The following ENTPD6 variants were observed in gnomAD, a reference collection of about 807,000 sequenced individuals.
The protein encoded by ENTPD6 is ectonucleoside triphosphate diphosphohydrolase 6.
A neutral mutation model predicts 61.5 loss-of-function variants in ENTPD6; 46 were observed. That is an observed-to-expected ratio of 0.75 (90% CI 0.59 to 0.96). ENTPD6 has a LOEUF of 0.96. Among genes scored for constraint, ENTPD6 ranks in the 40% least tolerant of loss-of-function variants. The probability of loss-of-function intolerance (pLI) is 0.00; values close to 1 mark genes in which losing one functional copy is unlikely to be tolerated. For missense variants in ENTPD6, 612 were observed against 629.0 expected (o/e 0.97, Z 0.29); for synonymous variants, 252 against 255.5 (o/e 0.99, Z 0.13).
At chr20:25,220,555 G>T (rs532659163) in intron 10 of ENTPD6, among the ~76,000 whole-genome samples, 1 of 152,354 alleles carries the variant, frequency 6.6e-6, no homozygotes. Flanking sequence ...CTGGGCGGCT[G>T]TCTAGACCTG....
chr20:25,196,114 G>A (rs1177157044), intron 1 of ENTPD6: 2 of 1,171,300 alleles, frequency 1.7e-6, no homozygotes, highest in East Asian at 3.2e-5. Flanking sequence ...GGGGCCTGTA[G>A]CCCCAGGGGG....
In ENTPD6 at chr20:25,195,815, TC is replaced by T; in HGVS notation, c.-64del. 1 of 1,239,568 alleles carries T rather than the reference TC, an allele frequency of 8.1e-7. No homozygotes were observed. The allele number at this position is 1,239,568 out of a possible 1,614,324, so 76.8% of individuals were successfully genotyped here. ...GCCCAAAAGACCGGCTGCCGCCTGC[TC>T]CCCGGAAAAGGGCACTCGTCTCCGT... On this transcript the variant is annotated 5_prime_UTR_variant, in exon 1 of 15. Coordinates refer to ENST00000376652, the MANE Select transcript of ENTPD6 (RefSeq NM_001247.5).
rs888796343 is a variant in ENTPD6 at position 25,216,541 on chromosome 20, T to G, written c.710-107T>G. 40 of 746,580 alleles carry G rather than the reference T, an allele frequency of 5.4e-5. No individual in the cohort carries two copies. The South Asian group carries it at 6.2e-4, about 12-fold the overall frequency. The allele number at this position is 746,580 out of a possible 1,614,324, so 46.2% of individuals were successfully genotyped here. A position where few individuals can be genotyped will look rare whatever the true frequency, so the allele number is the denominator to read the frequency against. On this transcript the variant is annotated intron_variant, in intron 7 of 14. Coordinates refer to ENST00000376652, the MANE Select transcript of ENTPD6 (RefSeq NM_001247.5). ...GGAGATTTGTCAATAGCTGAGCTAC[T>G]TCTCTGTCTTTTCTTTCCCCTGAGG...
chr20:25,206,454 T>G, intron 1 of ENTPD6, 68 bp from the exon 2 acceptor site: 1 of 1,232,912 alleles, frequency 8.1e-7, no homozygotes, highest in East Asian at 2.3e-5. Flanking sequence ...CCAGTGAATT[T>G]ATTTTGCTAC....
chr20:25,225,872 C>T lies in ENTPD6; in HGVS notation c.*275C>T. On this transcript the variant is annotated 3_prime_UTR_variant, in exon 15 of 15. Transcript: ENST00000376652. ...GGACCAGGACAGAACCACAGGCACA[C>T]ACTGAGGGGGCAGTGTGGCTCCCTG... 1 of 381,776 alleles carries T rather than the reference C, an allele frequency of 2.6e-6. No individual in the cohort carries two copies. The highest frequency in any genetic ancestry group is 4.7e-6 in the Non-Finnish European group (1 of 211,598). The allele number at this position is 381,776 out of a possible 1,614,324, so 23.6% of individuals were successfully genotyped here. A position where few individuals can be genotyped will look rare whatever the true frequency, so the allele number is the denominator to read the frequency against.
intron 1 of ENTPD6, among the ~76,000 whole-genome samples, chr20:25,199,870 A>G (rs1407730453): frequency 6.6e-6 from 1 of 152,208 alleles, no homozygotes; most frequent in South Asian, 2.1e-4. Flanking sequence ...TCTAAATTGA[A>G]TTTTGTGTAT....
intron 1 of ENTPD6, among the ~76,000 whole-genome samples, chr20:25,204,054 A>G (rs1401379436): frequency 2.0e-5 from 3 of 152,160 alleles, no homozygotes; most frequent in Non-Finnish European, 4.4e-5. Context: ...TCTTACTTTC[A>G]TTATGAATAC....
At chr20:25,195,893 G>C in intron 1 of ENTPD6, 26 bp downstream of exon 1, 11 of 1,230,964 alleles carry the variant, frequency 8.9e-6, no homozygotes, top group Non-Finnish European at 1.1e-5. Context: ...GGGCGCTGGC[G>C]GGGGCGGCCG....
Position 25,225,497 on chromosome 20 carries a change from A to G in ENTPD6, c.1357-2A>G, listed in dbSNP as rs771540747. ...TCCCCTCTCCCTCTCTGTCTTTTCAAGCTCACTCGGAAAATTGACAATGTT... is the reference window on the plus strand; with the variant it reads ...TCCCCTCTCCCTCTCTGTCTTTTCAGGCTCACTCGGAAAATTGACAATGTT... On this transcript the variant is annotated splice_acceptor_variant, in intron 14 of 14. Transcript: ENST00000376652. LOFTEE classifies it high-confidence loss of function. 10 of 1,613,210 alleles carry G rather than the reference A, an allele frequency of 6.2e-6. 1 individual carries two copies. Among genetic ancestry groups the G allele is most frequent in the South Asian group, 4.4e-5 (4 of 90,938 alleles).
At position 25,218,532 on chromosome 20, in the gene ENTPD6, G is replaced by A; in HGVS notation, c.879-18G>A. 1 of 1,596,992 alleles carries A rather than the reference G, an allele frequency of 6.3e-7. No individual in the cohort carries two copies. Among genetic ancestry groups the A allele is most frequent in the Non-Finnish European group, 8.5e-7 (1 of 1,174,158 alleles). Reference sequence around the variant, plus strand: ...ACCTGCCATGGCAGCTGCCCTCACTGAGGTGTCATTCCCACAGCTACCTCG... The same window carrying A: ...ACCTGCCATGGCAGCTGCCCTCACTAAGGTGTCATTCCCACAGCTACCTCG... On this transcript the variant is annotated intron_variant, in intron 9 of 14. Transcript: ENST00000376652.
intron 4 of ENTPD6, among the ~76,000 whole-genome samples, chr20:25,212,694 A>C (rs905217742): frequency 3.3e-5 from 5 of 151,750 alleles, no homozygotes; most frequent in African/African-American, 1.2e-4. Context: ...TCTCTATAAG[A>C]AGTTTTTTTT....
rs1433592042 is a variant in ENTPD6 at position 25,227,907 on chromosome 20, A to T, written c.*2310A>T. 1.3e-5 allele frequency among the ~76,000 whole-genome samples: 2 copies of T among 152,284 alleles called. No homozygotes were observed. The highest frequency in any genetic ancestry group is 2.9e-5 in the Non-Finnish European group (2 of 68,054). On this transcript the variant is annotated 3_prime_UTR_variant, in exon 15 of 15. Transcript: ENST00000376652. The stretch of plus-strand genomic sequence containing the variant: ...TTTGCCATTCTGGCAGATTTAAAAA[A>T]ATGATAACTGGTAGTTTTAATATGC...
intron 4 of ENTPD6, 47 bp from the exon 5 acceptor site, chr20:25,213,216 G>C: frequency 8.1e-6 from 13 of 1,612,468 alleles, no homozygotes; most frequent in Non-Finnish European, 1.0e-5. Context: ...GTGTGACCCT[G>C]TATGCTGCAC....
chr20:25,214,559 C>G (rs1351556039), intron 5 of ENTPD6: 1 of 329,594 alleles, frequency 3.0e-6, no homozygotes, highest in Non-Finnish European at 5.8e-6. Flanking sequence ...TCAACGAGCC[C>G]GGGCGGTGGA....
At chr20:25,225,398 GTCCCCCAGCCCA>G in intron 14 of ENTPD6, 81 bp downstream of exon 14, 1 of 1,582,464 alleles carries the variant, frequency 6.3e-7, no homozygotes, top group Non-Finnish European at 8.6e-7. Flanking sequence ...CTGGGGTCAT[GTCCCCCAGCCCA>G]TCCCTGGCTT....
rs371257353 is a variant in ENTPD6 at position 25,216,786 on chromosome 20, G to A, written c.798+50G>A. On this transcript the variant is annotated intron_variant, in intron 8 of 14. Transcript: ENST00000376652. ...GCTCTTTCCACCCCGAGGCCACACCGCCATGGGGGTGCAGGGTGGGGCCTG... is the reference window on the plus strand; with the variant it reads ...GCTCTTTCCACCCCGAGGCCACACCACCATGGGGGTGCAGGGTGGGGCCTG... 47 of 1,039,500 alleles carry A rather than the reference G, an allele frequency of 4.5e-5. No individual in the cohort carries two copies. In the Middle Eastern group the frequency reaches 1.2e-3, roughly 26 times the overall value. The allele number at this position is 1,039,500 out of a possible 1,614,324, so 64.4% of individuals were successfully genotyped here.
chr20:25,198,644 A>G (rs1021243290), intron 1 of ENTPD6, among the ~76,000 whole-genome samples: 10 of 152,220 alleles, frequency 6.6e-5, no homozygotes, highest in Non-Finnish European at 1.3e-4. Context: ...ATTACTTAGA[A>G]ACCTGAAACT....
intron 3 of ENTPD6, among the ~76,000 whole-genome samples, chr20:25,208,819 T>C (rs1377851708): frequency 6.6e-6 from 1 of 152,276 alleles, no homozygotes; most frequent in African/African-American, 2.4e-5. Flanking sequence ...TTCCGCTGTT[T>C]ATTGAATTGG....
chr20:25,214,998 G>A, intron 6 of ENTPD6, 56 bp downstream of exon 6: 2 of 1,199,602 alleles, frequency 1.7e-6, no homozygotes, highest in Middle Eastern at 2.0e-4. Flanking sequence ...GTGGGTGGGA[G>A]CAATCCTGCT....
Sources: allele counts gnomAD v4.1 joint callset (sites outside exome capture counted in the v4.1 genomes callset), GRCh38; gene constraint gnomAD v4.1.1; transcripts MANE v1.5; gene names NCBI Gene and HGNC (gene_info 2026-07-23, HGNC 2026-07-21).